The following SRPRA variants were observed in gnomAD, a reference collection of about 807,000 sequenced individuals.
SRPRA encodes the protein signal recognition particle receptor subunit alpha.
Under a neutral mutation model 61.1 loss-of-function variants are expected in SRPRA, and 30 were observed. The observed-to-expected ratio is 0.49, with a 90% CI of 0.37 to 0.67. The LOEUF is 0.67. Among genes scored for constraint, SRPRA ranks in the 30% least tolerant of loss-of-function variants. The pLI is 0.00. For synonymous variants in SRPRA, 324 were observed against 299.7 expected (o/e 1.08, Z -0.84); for missense variants, 759 against 828.4 (o/e 0.92, Z 1.03).
At chr11:126,252,943 G>A in the SRPRA span, among the ~76,000 whole-genome samples, 18 of 152,196 alleles carry the variant, frequency 1.2e-4, no homozygotes, top group African/African-American at 4.3e-4. The surrounding 1 kb of genome is among the most constrained non-coding windows in gnomAD (Gnocchi z 4.7). Flanking sequence ...GCTGAGGCAG[G>A]AGAATCATTT....
the SRPRA span, among the ~76,000 whole-genome samples, chr11:126,252,991 C>A: frequency 6.6e-6 from 1 of 152,156 alleles, no homozygotes; most frequent in African/African-American, 2.4e-5. The surrounding 1 kb of genome is among the most constrained non-coding windows in gnomAD (Gnocchi z 4.7). Context: ...GCCAAGATTG[C>A]GCCACTGTGC....
At chr11:126,254,203 T>C in the SRPRA span, 1 of 1,381,472 alleles carries the variant, frequency 7.2e-7, no homozygotes, top group East Asian at 2.4e-5. Flanking sequence ...CTAGAGAGTT[T>C]ATGTCAGAAG....
At chr11:126,243,545 A>G in the SRPRA span, among the ~76,000 whole-genome samples, 3 of 151,990 alleles carry the variant, frequency 2.0e-5, no homozygotes, top group Admixed American at 1.3e-4. Flanking sequence ...ACAAAGTACA[A>G]CCAGACTGAA....
At chr11:126,261,387 T>G (rs202117971), downstream of SRPRA, 220 of 1,587,990 alleles carry the variant, frequency 1.4e-4, no homozygotes, top group African/African-American at 2.7e-3. Flanking sequence ...AGTTTTAGCT[T>G]TTCAGTCTAA....
At chr11:126,246,796 T>C in the SRPRA span, among the ~76,000 whole-genome samples, 1 of 152,146 alleles carries the variant, frequency 6.6e-6, no homozygotes. Flanking sequence ...GTCACTGTTT[T>C]AGATGAATGG....
chr11:126,247,195 GGCAGGAAGATTGCTTGAGCCCA>G, the SRPRA span, among the ~76,000 whole-genome samples: 1 of 152,114 alleles, frequency 6.6e-6, no homozygotes, highest in Non-Finnish European at 1.5e-5. Flanking sequence ...GGGAGACTGA[GGCAGGAAGATTGCTTGAGCCCA>G]GCAGGTCAAG....
chr11:126,268,589 G>A, intron 1 of SRPRA, 99 bp downstream of exon 1: 2 of 975,880 alleles, frequency 2.0e-6, no homozygotes, highest in Non-Finnish European at 3.2e-6. Flanking sequence ...GTGTGAGGTG[G>A]GCGGGGAGGG....
the SRPRA span, among the ~76,000 whole-genome samples, chr11:126,255,445 G>A: frequency 7.9e-5 from 12 of 152,010 alleles, no homozygotes; most frequent in Middle Eastern, 3.2e-3. This position sits in a 1 kb window ranked among gnomAD's most constrained non-coding sequence, Gnocchi z 4.6. Context: ...GACATTGAGT[G>A]ATCCCTTAGG....
At chr11:126,266,311 G>A (rs755674328) in intron 6 of SRPRA, 33 bp from the exon 7 acceptor site, 2 of 1,608,788 alleles carry the variant, frequency 1.2e-6, no homozygotes, top group East Asian at 4.5e-5. Context: ...GTGGGGTCAG[G>A]AACACTAAGG....
chr11:126,265,408 C>T lies in SRPRA; in HGVS notation c.1171G>A (p.Glu391Lys). ...GGCTGCAGAATCTGCACCAGGGACT[C>T]CTGTAGGGCTTGCTTTACTGTGGAA... ...VTSTVKQALQ[E>K]SLVQILQPQR... is the part of the protein sequence containing the mutation. Residue 391 changes from glutamate (E) to lysine (K), a missense_variant, in exon 10 of 14, where the codon GAG becomes AAG. This residue lies in a region of SRPRA where 284 missense variants were observed against 365.9 expected (regional missense o/e 0.78). Transcript: ENST00000332118. This position sits in a 1 kb window ranked among gnomAD's most constrained non-coding sequence, Gnocchi z 6.3. 1 of 1,613,702 alleles carries T rather than the reference C, an allele frequency of 6.2e-7. No homozygotes were observed. The highest frequency in any genetic ancestry group is 8.5e-7 in the Non-Finnish European group (1 of 1,179,864).
chr11:126,235,966 C>T, the SRPRA span, among the ~76,000 whole-genome samples: 1 of 149,706 alleles, frequency 6.7e-6, no homozygotes, highest in South Asian at 2.1e-4. Flanking sequence ...TGTTTGTTTG[C>T]TTTCAATGTA....
the SRPRA span, among the ~76,000 whole-genome samples, chr11:126,237,424 G>T: frequency 1.4e-5 from 2 of 145,970 alleles, no homozygotes; most frequent in South Asian, 2.1e-4. Flanking sequence ...TTTAAATAAA[G>T]ACAGGTTTTC....
chr11:126,238,029 CTT>C, the SRPRA span, among the ~76,000 whole-genome samples: 1 of 151,812 alleles, frequency 6.6e-6, no homozygotes, highest in Non-Finnish European at 1.5e-5. Flanking sequence ...TGAGGTGACC[CTT>C]GTTTGTCTGC....
rs371818865 is a variant in SRPRA at position 126,266,984 on chromosome 11, TAA to T, written c.527-64_527-63del. 15 of 1,570,006 alleles carry T rather than the reference TAA, an allele frequency of 9.6e-6. No individual in the cohort carries two copies. In the East Asian group the frequency reaches 2.9e-4, roughly 31 times the overall value. ...CCAATCCCAACCACTAGACAATGGC[TAA>T]AAGTCTTCCAAATTGTTCAAAGGAA... On this transcript the variant is annotated intron_variant, in intron 4 of 13. Transcript: ENST00000332118.
the SRPRA span, among the ~76,000 whole-genome samples, chr11:126,243,271 A>G: frequency 6.6e-6 from 1 of 152,210 alleles, no homozygotes; most frequent in Non-Finnish European, 1.5e-5. Flanking sequence ...GGCCCATATT[A>G]TCCTGATAAC....
intron 1 of SRPRA, among the ~76,000 whole-genome samples, chr11:126,268,450 G>A (rs1177738820): frequency 4.6e-5 from 7 of 152,304 alleles, no homozygotes; most frequent in Admixed American, 6.5e-5. Context: ...AGGGAGCGGA[G>A]GAGAATCCCA....
At chr11:126,258,202 T>C (rs1950610781), downstream of SRPRA, among the ~76,000 whole-genome samples, 1 of 151,862 alleles carries the variant, frequency 6.6e-6, no homozygotes, top group Non-Finnish European at 1.5e-5. Context: ...TCAAGATGAG[T>C]GTGAGCAACA....
At position 126,263,838 on chromosome 11, in the gene SRPRA, A is replaced by G; in HGVS notation, c.*78T>C. Reference sequence around the variant, plus strand: ...ACTACACTGAAGACAGGTTGCTCACATACTCTAAAGCACATTCTTGATACA... The same window carrying G: ...ACTACACTGAAGACAGGTTGCTCACGTACTCTAAAGCACATTCTTGATACA... On this transcript the variant is annotated 3_prime_UTR_variant, in exon 14 of 14. Coordinates refer to ENST00000332118, the MANE Select transcript of SRPRA (RefSeq NM_003139.4). 6.4e-7 allele frequency: 1 copy of G among 1,573,252 alleles called. No homozygotes were observed. The highest frequency in any genetic ancestry group is 8.6e-7 in the Non-Finnish European group (1 of 1,160,470).
rs761681547 is a variant in SRPRA, at chr11:126,265,930, C to T, written c.1051+33G>A. ...TCTGCTCTCAACTACCCCTATCCCG[C>T]GAGTATGAGTCAGCCCGGTCCTCAG... On this transcript the variant is annotated intron_variant, in intron 8 of 13. Transcript: ENST00000332118. This position sits in a 1 kb window ranked among gnomAD's most constrained non-coding sequence, Gnocchi z 6.3. 6 of 1,611,942 alleles carry T rather than the reference C, an allele frequency of 3.7e-6. No individual in the cohort carries two copies. The highest frequency in any genetic ancestry group is 5.1e-6 in the Non-Finnish European group (6 of 1,178,028).
Sources: gnomAD v4.1 joint callset for allele counts (sites outside exome capture counted in the v4.1 genomes callset) on GRCh38, gnomAD v4.1.1 for gene constraint, gnomAD v4.1.1 regional missense constraint, Gnocchi (gnomAD v3.1) non-coding constraint, MANE v1.5 for transcripts, NCBI Gene and HGNC (gene_info 2026-07-23, HGNC 2026-07-21) for gene names.